F13A1: variants seen among roughly 807,000 people sequenced by gnomAD.
The protein encoded by F13A1 is FSF, A subunit.
A neutral mutation model predicts 80.1 loss-of-function variants in F13A1; 47 were observed. That is an observed-to-expected ratio of 0.59 (90% CI 0.46 to 0.75). The LOEUF (loss-of-function observed/expected upper bound fraction) is 0.75, where lower values mean the gene tolerates loss of function less well. Ranked by LOEUF, F13A1 falls within the 30% of genes least tolerant of loss-of-function variation. The pLI, the probability that F13A1 is intolerant of heterozygous loss-of-function variation, is 0.00. For missense variants in F13A1, 817 were observed against 930.4 expected, an observed-to-expected ratio of 0.88 and a Z score of 1.59; for synonymous variants, 349 against 344.9, an observed-to-expected ratio of 1.01 and a Z score of -0.13.
chr6:6,215,190 A>G (rs1354969336), intron 8 of F13A1, among the ~76,000 whole-genome samples: 1 of 133,056 alleles, frequency 7.5e-6, no homozygotes, highest in East Asian at 2.1e-4. Flanking sequence ...TGAGGCCAGC[A>G]TCATCCTGAT....
chr6:6,206,575 C>T (rs752157449), intron 8 of F13A1: 7 of 507,518 alleles, frequency 1.4e-5, no homozygotes, highest in African/African-American at 9.7e-5. Context: ...TCTTTGGAGA[C>T]ATTCCAGCAG....
At chr6:6,188,159 T>C (rs1030376170) in intron 10 of F13A1, among the ~76,000 whole-genome samples, 2 of 152,286 alleles carry the variant, frequency 1.3e-5, no homozygotes, top group Admixed American at 6.5e-5. Flanking sequence ...TTTTGTTGAT[T>C]CTTTCAAAAA....
At chr6:6,306,947 A>G (rs548949132) in intron 2 of F13A1, among the ~76,000 whole-genome samples, 1 of 152,238 alleles carries the variant, frequency 6.6e-6, no homozygotes, top group African/African-American at 2.4e-5. Flanking sequence ...CTTCGGTCCT[A>G]AAGTCCAGGA....
At chr6:6,287,812 A>G (rs879570268) in intron 3 of F13A1, among the ~76,000 whole-genome samples, 32 of 152,216 alleles carry the variant, frequency 2.1e-4, no homozygotes, top group Admixed American at 2.1e-3. Flanking sequence ...AATTCCAGGC[A>G]GAACTTGGCC....
rs139216776 is a variant in F13A1 at position 6,274,110 on chromosome 6, C to T, written c.320-7301G>A. Among the ~76,000 whole-genome samples, 50 of 152,266 alleles carry T rather than the reference C, an allele frequency of 3.3e-4. 2 individuals are homozygous for T. In the East Asian group the frequency reaches 5.2e-3, roughly 16 times the overall value. On this transcript the variant is annotated intron_variant, in intron 3 of 14. Transcript: ENST00000264870. Reference sequence around the variant, plus strand: ...CTTCCTGGCCATGTTTATTCTAGCTCAGGCAAACTTAGGTAGGGTTGGGGG... The same window carrying T: ...CTTCCTGGCCATGTTTATTCTAGCTTAGGCAAACTTAGGTAGGGTTGGGGG...
At chr6:6,269,695 T>TG (rs1157123132) in intron 3 of F13A1, among the ~76,000 whole-genome samples, 4 of 151,196 alleles carry the variant, frequency 2.6e-5, no homozygotes, top group African/African-American at 9.8e-5. Context: ...GCTTACCTAC[T>TG]GTTTTTTTTT....
intron 8 of F13A1, among the ~76,000 whole-genome samples, chr6:6,216,170 A>T (rs1159940696): frequency 6.6e-6 from 1 of 152,094 alleles, no homozygotes; most frequent in African/African-American, 2.4e-5. Context: ...GAATTGGAAA[A>T]AACTACCTGA....
At chr6:6,184,065 T>A (rs1015005354) in intron 10 of F13A1, among the ~76,000 whole-genome samples, 1 of 152,250 alleles carries the variant, frequency 6.6e-6, no homozygotes, top group Non-Finnish European at 1.5e-5. Flanking sequence ...TGAGTGCACA[T>A]GAAGTCGGAT....
At chr6:6,319,868 T>C (rs763594425) in intron 1 of F13A1, among the ~76,000 whole-genome samples, 4 of 152,070 alleles carry the variant, frequency 2.6e-5, no homozygotes, top group Non-Finnish European at 5.9e-5. Context: ...TTACAGTCAT[T>C]GGTGAGCTGA....
intron 3 of F13A1, among the ~76,000 whole-genome samples, chr6:6,295,094 A>G (rs1004786397): frequency 1.8e-4 from 27 of 146,676 alleles, no homozygotes; most frequent in Admixed American, 4.0e-4. Flanking sequence ...TTATGGCTGC[A>G]TAGTATTCCA....
chr6:6,171,282 CT>C (rs1264474186), intron 12 of F13A1, among the ~76,000 whole-genome samples: 1 of 152,212 alleles, frequency 6.6e-6, no homozygotes, highest in Non-Finnish European at 1.5e-5. Context: ...CTATTATCTG[CT>C]TTGCCTCTCA....
intron 6 of F13A1, among the ~76,000 whole-genome samples, chr6:6,228,000 T>C (rs1159463768): frequency 6.6e-6 from 1 of 152,214 alleles, no homozygotes; most frequent in Non-Finnish European, 1.5e-5. Context: ...GTTAAAATAA[T>C]ATCTCCCCTC....
At chr6:6,267,895 GT>G (rs1385971736) in intron 3 of F13A1, among the ~76,000 whole-genome samples, 3 of 152,160 alleles carry the variant, frequency 2.0e-5, no homozygotes, top group African/African-American at 7.2e-5. Context: ...TTCCACTTTT[GT>G]TTTAAAAGCT....
intron 3 of F13A1, among the ~76,000 whole-genome samples, chr6:6,275,425 A>G (rs1285168702): frequency 6.6e-6 from 1 of 152,034 alleles, no homozygotes; most frequent in Non-Finnish European, 1.5e-5. Context: ...GCTGGAGTGC[A>G]GGGGTGCCAT....
intron 3 of F13A1, among the ~76,000 whole-genome samples, chr6:6,274,080 G>A (rs774282255): frequency 1.4e-4 from 22 of 152,196 alleles, no homozygotes; most frequent in Non-Finnish European, 2.8e-4. Context: ...CTAAAGAAAA[G>A]AGACCTTCCT....
intron 4 of F13A1, among the ~76,000 whole-genome samples, chr6:6,255,012 C>T (rs911120696): frequency 2.6e-5 from 4 of 152,082 alleles, no homozygotes; most frequent in African/African-American, 9.7e-5. Context: ...TAGGGTTGTG[C>T]TCTTTTTTAT....
chr6:6,194,150 C>T (rs1583065515), intron 10 of F13A1, among the ~76,000 whole-genome samples: 1 of 152,154 alleles, frequency 6.6e-6, no homozygotes, highest in African/African-American at 2.4e-5. Context: ...ATGTTCCCCA[C>T]AACTTCATAA....
chr6:6,296,297 C>A (rs1351785966), intron 3 of F13A1, among the ~76,000 whole-genome samples: 1 of 151,442 alleles, frequency 6.6e-6, no homozygotes, highest in African/African-American at 2.4e-5. Context: ...TCACTGGTAG[C>A]TTGATGGGGA....
At chr6:6,260,451 T>C (rs189962587) in intron 4 of F13A1, among the ~76,000 whole-genome samples, 1 of 152,322 alleles carries the variant, frequency 6.6e-6, no homozygotes, top group East Asian at 1.9e-4. Context: ...TCTTTTTCAC[T>C]TGGGCGACAG....
Sources: gnomAD v4.1 joint callset for allele counts (sites outside exome capture counted in the v4.1 genomes callset) on GRCh38, gnomAD v4.1.1 for gene constraint, MANE v1.5 for transcripts, NCBI Gene and HGNC (gene_info 2026-07-23, HGNC 2026-07-21) for gene names.